VSNL1: variants seen among roughly 807,000 people sequenced by gnomAD.
VSNL1 encodes visinin-like protein 1.
Under a neutral mutation model 20.4 loss-of-function variants are expected in VSNL1, and 6 were observed. That is an observed-to-expected ratio of 0.29 (90% confidence interval 0.16 to 0.58). VSNL1 has a LOEUF of 0.58. Among genes scored for constraint, VSNL1 ranks in the 20% least tolerant of loss-of-function variants. The pLI is 0.90. For missense variants in VSNL1, 100 were observed against 234.5 expected (o/e 0.43, Z 3.75); for synonymous variants, 93 against 86.4 (o/e 1.08, Z -0.42).
chr2:17,651,654 A>T (rs1425238606), intron 3 of VSNL1, among the ~76,000 whole-genome samples: 3 of 152,220 alleles, frequency 2.0e-5, no homozygotes, highest in African/African-American at 7.2e-5. Context: ...GGCAGCACCA[A>T]GGCCCGGTGG....
chr2:17,575,284 G>A (rs1315202472), intron 1 of VSNL1, among the ~76,000 whole-genome samples: 1 of 152,154 alleles, frequency 6.6e-6, no homozygotes, highest in African/African-American at 2.4e-5. Context: ...GAGAAAATAA[G>A]AATAAAAGGG....
chr2:17,604,455 A>T (rs568675022), intron 2 of VSNL1, among the ~76,000 whole-genome samples: 1 of 152,240 alleles, frequency 6.6e-6, no homozygotes, highest in Non-Finnish European at 1.5e-5. Context: ...TCCCAGCCAG[A>T]GCTGCCTGCC....
At chr2:17,599,708 G>T (rs930079634) in intron 2 of VSNL1, among the ~76,000 whole-genome samples, 3 of 152,184 alleles carry the variant, frequency 2.0e-5, no homozygotes, top group Non-Finnish European at 4.4e-5. Context: ...CAAGGCCTAT[G>T]AAATCGATCT....
At chr2:17,636,989 AGAG>A (rs1665765570) in intron 2 of VSNL1, among the ~76,000 whole-genome samples, 1 of 152,186 alleles carries the variant, frequency 6.6e-6, no homozygotes, top group Non-Finnish European at 1.5e-5. Flanking sequence ...TGAGGCATTG[AGAG>A]GAGAAATGAT....
Position 17,634,881 on chromosome 2 carries a change from T to C in VSNL1, c.163-14529T>C, listed in dbSNP as rs527755165. Reference sequence around the variant, plus strand: ...CATGGGTCCCGCTGCAGGGAGTTACTGCTCCTGCTTGGTTCTGACTCACGG... The same window carrying C: ...CATGGGTCCCGCTGCAGGGAGTTACCGCTCCTGCTTGGTTCTGACTCACGG... On this transcript the variant is annotated intron_variant, in intron 2 of 3. Transcript: ENST00000295156. This position sits in a 1 kb window ranked among gnomAD's most constrained non-coding sequence, Gnocchi z 4.3. Among the ~76,000 whole-genome samples, 30 of 152,290 alleles carry C rather than the reference T, an allele frequency of 2.0e-4. No individual in the cohort carries two copies. The highest frequency in any genetic ancestry group is 6.5e-4 in the African/African-American group (27 of 41,570).
intron 1 of VSNL1, chr2:17,541,479 G>T (rs949662525): frequency 1.3e-5 from 2 of 152,190 alleles, no homozygotes; most frequent in African/African-American, 4.8e-5. Flanking sequence ...ATTCAGAAAT[G>T]AGTAGATAAT....
At chr2:17,572,213 G>A (rs1664100361) in intron 1 of VSNL1, among the ~76,000 whole-genome samples, 1 of 152,158 alleles carries the variant, frequency 6.6e-6, no homozygotes, top group Admixed American at 6.5e-5. Flanking sequence ...AAATTATTTG[G>A]ATATAGATAG....
At chr2:17,584,941 A>T (rs1664435341) in intron 1 of VSNL1, among the ~76,000 whole-genome samples, 1 of 152,166 alleles carries the variant, frequency 6.6e-6, no homozygotes. Flanking sequence ...CCTGGGGCCC[A>T]CTTCTGCTTT....
At chr2:17,610,879 C>T (rs1665068688) in intron 2 of VSNL1, among the ~76,000 whole-genome samples, 1 of 152,176 alleles carries the variant, frequency 6.6e-6, no homozygotes, top group South Asian at 2.1e-4. Flanking sequence ...CCAGGGTTGG[C>T]TCCTTTTCCC....
At chr2:17,635,167 C>T (rs1665723405) in intron 2 of VSNL1, among the ~76,000 whole-genome samples, 4 of 152,086 alleles carry the variant, frequency 2.6e-5, no homozygotes, top group Admixed American at 2.6e-4. Context: ...AAGGGTCCGC[C>T]AGAGGGACTG....
At chr2:17,654,212 TTTC>T (rs1254660423) in intron 3 of VSNL1, among the ~76,000 whole-genome samples, 1 of 152,252 alleles carries the variant, frequency 6.6e-6, no homozygotes, top group African/African-American at 2.4e-5. Context: ...TTAAAGCACT[TTTC>T]TAAGAAAGGA....
chr2:17,572,384 G>T (rs559962351), intron 1 of VSNL1, among the ~76,000 whole-genome samples: 1 of 152,126 alleles, frequency 6.6e-6, no homozygotes, highest in Non-Finnish European at 1.5e-5. Flanking sequence ...ATAAGACCCG[G>T]TTTTCCACAG....
chr2:17,653,625 A>C (rs2103434253), intron 3 of VSNL1, among the ~76,000 whole-genome samples: 1 of 152,360 alleles, frequency 6.6e-6, no homozygotes, highest in Non-Finnish European at 1.5e-5. Context: ...ATCTAGCTAC[A>C]AAAGTAAATA....
At chr2:17,628,483 G>T (rs569732359) in intron 2 of VSNL1, among the ~76,000 whole-genome samples, 1 of 149,762 alleles carries the variant, frequency 6.7e-6, no homozygotes, top group Non-Finnish European at 1.5e-5. Context: ...GAGTGACATT[G>T]TGGTTTTTTT....
chr2:17,543,819 C>T (rs1465172320), intron 1 of VSNL1, among the ~76,000 whole-genome samples: 1 of 152,196 alleles, frequency 6.6e-6, no homozygotes, highest in Non-Finnish European at 1.5e-5. Flanking sequence ...GGCCTTCCTA[C>T]CTTCCTCCTG....
intron 1 of VSNL1, among the ~76,000 whole-genome samples, chr2:17,576,324 G>A (rs575348669): frequency 6.6e-6 from 1 of 152,184 alleles, no homozygotes; most frequent in South Asian, 2.1e-4. Context: ...GTGGGAAATG[G>A]TTATAGTGCT....
intron 1 of VSNL1, among the ~76,000 whole-genome samples, chr2:17,578,916 C>T (rs1464298127): frequency 6.6e-6 from 1 of 152,176 alleles, no homozygotes; most frequent in Non-Finnish European, 1.5e-5. Flanking sequence ...TTCTTTCCAT[C>T]CAGCTTCCAA....
chr2:17,626,140 C>T (rs949877517), intron 2 of VSNL1, among the ~76,000 whole-genome samples: 17 of 152,226 alleles, frequency 1.1e-4, no homozygotes, highest in African/African-American at 4.1e-4. Flanking sequence ...CTTCTAATCT[C>T]CTCACTATCT....
chr2:17,554,561 T>A (rs79946783), intron 1 of VSNL1, among the ~76,000 whole-genome samples: 4,460 of 152,186 alleles, frequency 0.029, 64 homozygotes, highest in Middle Eastern at 0.054. Context: ...TTCTAGTTTT[T>A]TAAACTCATT....
Sources: gnomAD v4.1 joint callset for allele counts (sites outside exome capture counted in the v4.1 genomes callset) on GRCh38, gnomAD v4.1.1 for gene constraint, Gnocchi (gnomAD v3.1) non-coding constraint, MANE v1.5 for transcripts, NCBI Gene and HGNC (gene_info 2026-07-23, HGNC 2026-07-21) for gene names.